The following DTNA variants were observed in gnomAD, a reference collection of about 807,000 sequenced individuals.
The protein encoded by DTNA is dystrobrevin alpha.
DTNA carries 43 observed loss-of-function variants against 100.7 expected under a neutral mutation model. The observed-to-expected ratio is 0.43, with a 90% confidence interval of 0.33 to 0.55. The LOEUF (loss-of-function observed/expected upper bound fraction) is 0.55, where lower values mean the gene tolerates loss of function less well. DTNA is among the 20% of genes least tolerant of loss of function. The pLI is 0.04. For missense variants in DTNA, 798 were observed against 953.9 expected (o/e 0.84, Z 2.15); for synonymous variants, 349 against 347.9 (o/e 1.00, Z -0.04).
At chr18:34,745,537 G>A (rs1320285571) in intron 1 of DTNA, among the ~76,000 whole-genome samples, 2 of 152,160 alleles carry the variant, frequency 1.3e-5, no homozygotes, top group Non-Finnish European at 2.9e-5. Context: ...TTCAGGATGC[G>A]AGTTTCTGCC....
At chr18:34,883,454 T>C (rs571800816) in intron 21 of DTNA, among the ~76,000 whole-genome samples, 1 of 152,008 alleles carries the variant, frequency 6.6e-6, no homozygotes, top group East Asian at 1.9e-4. Context: ...GGACTACAGG[T>C]GCACACCACC....
At chr18:34,511,803 T>C (rs1568564165) in intron 1 of DTNA, among the ~76,000 whole-genome samples, 2 of 152,040 alleles carry the variant, frequency 1.3e-5, no homozygotes, top group Non-Finnish European at 2.9e-5. Context: ...AGTGTAAATA[T>C]TAATATATAA....
intron 15 of DTNA, among the ~76,000 whole-genome samples, chr18:34,855,804 A>T (rs1048180934): frequency 1.3e-5 from 2 of 152,224 alleles, no homozygotes; most frequent in African/African-American, 4.8e-5. Context: ...ACTGTTAATT[A>T]ACCTACTCTT....
intron 1 of DTNA, among the ~76,000 whole-genome samples, chr18:34,498,390 G>T (rs933065895): frequency 6.6e-6 from 1 of 150,642 alleles, no homozygotes; most frequent in Non-Finnish European, 1.5e-5. Flanking sequence ...CCGAGATCGC[G>T]CCACTGTGCT....
chr18:34,860,220 G>GTTTTTTTTTTTTTTTTTTTTTTTTTTTTT (rs55673388), intron 16 of DTNA, among the ~76,000 whole-genome samples: 1 of 80,254 alleles, frequency 1.2e-5, no homozygotes, highest in Non-Finnish European at 2.4e-5. Flanking sequence ...CTAATTTTTT[G>GTTTTTTTTTTTTTTTTTTTTTTTTTTTTT]TTTTTTTTTT....
At chr18:34,533,948 T>C (rs1374874045) in intron 1 of DTNA, among the ~76,000 whole-genome samples, 1 of 152,160 alleles carries the variant, frequency 6.6e-6, no homozygotes, top group East Asian at 1.9e-4. Context: ...CTTTGAGAAA[T>C]GAATGAATTT....
intron 1 of DTNA, among the ~76,000 whole-genome samples, chr18:34,570,949 C>T (rs1227805221): frequency 2.0e-5 from 3 of 152,144 alleles, no homozygotes; most frequent in Non-Finnish European, 4.4e-5. Flanking sequence ...TTTGTAAGCA[C>T]CTCTGAGTAT....
intron 1 of DTNA, among the ~76,000 whole-genome samples, chr18:34,562,564 G>A (rs1568661608): frequency 6.6e-6 from 1 of 151,942 alleles, no homozygotes; most frequent in South Asian, 2.1e-4. Flanking sequence ...CATAACATTG[G>A]CAGAAGGGAA....
At chr18:34,805,785 CAA>C (rs34255919) in intron 4 of DTNA, among the ~76,000 whole-genome samples, 16,018 of 129,160 alleles carry the variant, frequency 0.12, 883 homozygotes, top group Non-Finnish European at 0.14. Flanking sequence ...AATTCTCTGA[CAA>C]AAAAAAAAAA....
intron 2 of DTNA, among the ~76,000 whole-genome samples, chr18:34,763,197 C>T (rs1343270115): frequency 6.6e-6 from 1 of 152,142 alleles, no homozygotes; most frequent in African/African-American, 2.4e-5. Context: ...GATTGCTGAG[C>T]CAAACTTAGC....
At chr18:34,873,366 G>C (rs1010901543) in intron 17 of DTNA, among the ~76,000 whole-genome samples, 1 of 152,210 alleles carries the variant, frequency 6.6e-6, no homozygotes, top group South Asian at 2.1e-4. Context: ...CCTTGATAAA[G>C]AGGACAGAGA....
chr18:34,599,741 G>A (rs1248871529), intron 1 of DTNA, among the ~76,000 whole-genome samples: 1 of 152,100 alleles, frequency 6.6e-6, no homozygotes, highest in Non-Finnish European at 1.5e-5. Context: ...CTAGAGTACA[G>A]CTGTCAGCTC....
At chr18:34,771,128 T>C (rs774268666) in intron 3 of DTNA, among the ~76,000 whole-genome samples, 40 of 152,298 alleles carry the variant, frequency 2.6e-4, no homozygotes, top group Admixed American at 7.2e-4. Context: ...TTCTCTCTTG[T>C]TATGTATGTA....
intron 1 of DTNA, among the ~76,000 whole-genome samples, chr18:34,662,232 T>A (rs926396835): frequency 2.0e-5 from 3 of 152,044 alleles, no homozygotes; most frequent in Non-Finnish European, 4.4e-5. Context: ...AGAACATATT[T>A]CTTGGAGGCA....
chr18:34,667,235 G>A (rs937528024), intron 1 of DTNA, among the ~76,000 whole-genome samples: 2 of 152,156 alleles, frequency 1.3e-5, no homozygotes, highest in Non-Finnish European at 2.9e-5. Context: ...GTCTGTTATT[G>A]ATGTATAAGA....
intron 1 of DTNA, among the ~76,000 whole-genome samples, chr18:34,501,378 A>G (rs575791996): frequency 9.4e-4 from 143 of 152,288 alleles, no homozygotes; most frequent in African/African-American, 3.3e-3. Context: ...ATATTTTGTT[A>G]AAGATTTTTA....
intron 13 of DTNA, among the ~76,000 whole-genome samples, chr18:34,843,661 G>A (rs1238602209): frequency 6.6e-6 from 1 of 152,040 alleles, no homozygotes; most frequent in Non-Finnish European, 1.5e-5. Flanking sequence ...TCATTTAACT[G>A]TAATTAAAGG....
intron 3 of DTNA, among the ~76,000 whole-genome samples, chr18:34,775,923 C>CA (rs2094023007): frequency 1.3e-5 from 2 of 152,306 alleles, no homozygotes; most frequent in Non-Finnish European, 2.9e-5. Context: ...AAGAACTATA[C>CA]ACAGTAAAGC....
intron 4 of DTNA, among the ~76,000 whole-genome samples, chr18:34,803,350 T>A (rs1409329951): frequency 6.6e-6 from 1 of 151,836 alleles, no homozygotes; most frequent in East Asian, 1.9e-4. Flanking sequence ...TCTAGTATCA[T>A]CAATCTTCCA....
Sources: gnomAD v4.1 joint callset for allele counts (sites outside exome capture counted in the v4.1 genomes callset) on GRCh38, gnomAD v4.1.1 for gene constraint, MANE v1.5 for transcripts, NCBI Gene and HGNC (gene_info 2026-07-23, HGNC 2026-07-21) for gene names.